The following CCDC6 variants were observed in gnomAD, a reference collection of about 807,000 sequenced individuals.
CCDC6 encodes the protein coiled-coil domain-containing protein 6.
CCDC6 carries 20 observed loss-of-function variants against 56.6 expected under a neutral mutation model. That is an observed-to-expected ratio of 0.35 (90% CI 0.25 to 0.51). The LOEUF (loss-of-function observed/expected upper bound fraction) is 0.51, where lower values mean the gene tolerates loss of function less well. Among genes scored for constraint, CCDC6 ranks in the 20% least tolerant of loss-of-function variants. The pLI is 0.95. For missense variants in CCDC6, 367 were observed against 601.1 expected, an observed-to-expected ratio of 0.61 and a Z score of 4.07; for synonymous variants, 241 against 234.4, an observed-to-expected ratio of 1.03 and a Z score of -0.26.
At chr10:59,804,629 A>C (rs564713209) in intron 6 of CCDC6, 109 bp from the exon 7 acceptor site, 5 of 697,128 alleles carry the variant, frequency 7.2e-6, no homozygotes, top group Non-Finnish European at 1.3e-5. Flanking sequence ...AAAATCCTGA[A>C]TGTTTAGAGT....
intron 1 of CCDC6, among the ~76,000 whole-genome samples, chr10:59,890,888 A>C (rs557242255): frequency 2.6e-5 from 4 of 151,310 alleles, no homozygotes; most frequent in Non-Finnish European, 5.9e-5. Context: ...CTCCTCCCCC[A>C]ACCCCACGAC....
Position 59,794,550 on chromosome 10 carries a change from G to A in CCDC6, c.1153C>T (p.Leu385=), listed in dbSNP as rs141402057. 2.5e-6 allele frequency: 4 copies of A among 1,613,922 alleles called. No homozygotes were observed. The highest frequency in any genetic ancestry group is 2.2e-5 in the East Asian group (1 of 44,870). The part of the protein sequence containing the change: ...HTVGFTPPTS[L]TRAGMSYYNS... ...TAATAAGACATTCCAGCTCTAGTCA[G>A]TGAAGTTGGTGGCGTGAAACCAACC... Residue 385 remains leucine, a synonymous_variant, in exon 8 of 9, where the codon CTG becomes TTG. Transcript: ENST00000263102.
At chr10:59,865,192 C>T (rs925711756) in intron 1 of CCDC6, among the ~76,000 whole-genome samples, 6 of 152,186 alleles carry the variant, frequency 3.9e-5, no homozygotes, top group Admixed American at 2.6e-4. Flanking sequence ...GGGGCAATGA[C>T]TAACACCTGA....
intron 2 of CCDC6, among the ~76,000 whole-genome samples, chr10:59,838,720 C>T (rs541591161): frequency 3.3e-5 from 5 of 152,194 alleles, no homozygotes; most frequent in South Asian, 2.1e-4. Flanking sequence ...CATACTGGTC[C>T]GGGGCTTCTA....
chr10:59,880,215 G>A (rs553604583), intron 1 of CCDC6, among the ~76,000 whole-genome samples: 1 of 151,844 alleles, frequency 6.6e-6, no homozygotes, highest in Non-Finnish European at 1.5e-5. Context: ...GGCAGACCAC[G>A]ATGACACCGA....
rs540846889 is a variant in CCDC6, at chr10:59,829,750, T to C, written c.582+2775A>G. ...TAGAACAGCAGTTGCTTAGAGGTTA[T>C]AGGGGATTAGAGGTGACAGATGAAT... On this transcript the variant is annotated intron_variant, in intron 3 of 8. Transcript: ENST00000263102. Among the ~76,000 whole-genome samples the C allele has an allele frequency of 1.7e-4, 26 of 152,250 alleles. 1 individual carries two copies. In the South Asian group the frequency reaches 5.0e-3, roughly 29 times the overall value.
In CCDC6 at chr10:59,800,679, A is replaced by C. The variant is rs186460804; in HGVS notation, c.1105+3741T>G. 1.4e-4 allele frequency among the ~76,000 whole-genome samples: 22 copies of C among 151,852 alleles called. No individual in the cohort carries two copies. In the East Asian group the frequency reaches 4.3e-3, roughly 29 times the overall value. On this transcript the variant is annotated intron_variant, in intron 7 of 8. Transcript: ENST00000263102. ...TGATTATAAGCTCTTAGAGGTTGGAAATCATGTACTATTGATTTTTTTTTT... is the reference window on the plus strand; with the variant it reads ...TGATTATAAGCTCTTAGAGGTTGGACATCATGTACTATTGATTTTTTTTTT...
rs778163371 is a variant in CCDC6 at position 59,832,636 on chromosome 10, G to A, written c.471C>T (p.Ala157=). The change falls in exon 3 of 9, where the codon GCC becomes GCT. Residue 157 remains alanine (A), a synonymous_variant. Transcript: ENST00000263102. ...CTTGTTCAAGATGCTGTTCTAGTTCGGCTTTCTCATGCTGCAACTGGAAAA... is the reference window on the plus strand; with the variant it reads ...CTTGTTCAAGATGCTGTTCTAGTTCAGCTTTCTCATGCTGCAACTGGAAAA... ...RKLMQLQHEK[A]ELEQHLEQEQ... The A allele has an allele frequency of 6.8e-6, 11 of 1,611,058 alleles. No individual in the cohort carries two copies. Among genetic ancestry groups the A allele is most frequent in the Middle Eastern group, 1.6e-4 (1 of 6,072 alleles).
intron 6 of CCDC6, chr10:59,805,247 G>A (rs191903939): frequency 1.4e-4 from 22 of 152,318 alleles, no homozygotes; most frequent in Admixed American, 1.2e-3. Flanking sequence ...CATCCTGCAC[G>A]AGCGACCCAC....
At chr10:59,810,867 G>T (rs1378297170) in intron 5 of CCDC6, among the ~76,000 whole-genome samples, 2 of 152,118 alleles carry the variant, frequency 1.3e-5, no homozygotes, top group Non-Finnish European at 2.9e-5. Context: ...CTTGAGATGG[G>T]TAGATTATCC....
intron 3 of CCDC6, among the ~76,000 whole-genome samples, chr10:59,828,730 A>T (rs1320391106): frequency 4.6e-5 from 7 of 152,176 alleles, no homozygotes; most frequent in African/African-American, 1.7e-4. Context: ...ATCACTAAGC[A>T]GTGATTCCCA....
rs1235260237 is a variant in CCDC6, at chr10:59,888,725, CAG to C, written c.303+17395_303+17396del. 2.6e-5 allele frequency among the ~76,000 whole-genome samples: 4 copies of C among 152,256 alleles called. No individual in the cohort carries two copies. The East Asian group carries it at 5.8e-4, about 22-fold the overall frequency. On this transcript the variant is annotated intron_variant, in intron 1 of 8. Coordinates refer to ENST00000263102, the MANE Select transcript of CCDC6 (RefSeq NM_005436.5). ...GGTATGGTGGTTATAAAGTCCTTAT[CAG>C]AGAGGCAAACTGAACCATTTATGGT... is the stretch of plus-strand genomic sequence containing the variant.
At chr10:59,835,579 ACT>A (rs547717642) in intron 2 of CCDC6, among the ~76,000 whole-genome samples, 1 of 152,212 alleles carries the variant, frequency 6.6e-6, no homozygotes, top group Non-Finnish European at 1.5e-5. Flanking sequence ...CTGAGATCTA[ACT>A]CTGTTTGCTA....
At chr10:59,894,410 G>C (rs1453552983) in intron 1 of CCDC6, among the ~76,000 whole-genome samples, 2 of 152,124 alleles carry the variant, frequency 1.3e-5, no homozygotes, top group Non-Finnish European at 2.9e-5. Flanking sequence ...TTATCCTTTA[G>C]ATCGTGACTA....
At chr10:59,794,666 G>T in intron 7 of CCDC6, 69 bp from the exon 8 acceptor site, 1 of 1,407,566 alleles carries the variant, frequency 7.1e-7, no homozygotes, top group South Asian at 1.2e-5. Context: ...TATCTAGGAG[G>T]TTTTAAATCG....
At chr10:59,886,032 A>C (rs1344176671) in intron 1 of CCDC6, among the ~76,000 whole-genome samples, 59 of 151,964 alleles carry the variant, frequency 3.9e-4, no homozygotes, top group Admixed American at 3.8e-3. Context: ...TATTAGCAGA[A>C]TGAACAAAGT....
At chr10:59,867,629 C>A (rs2071188418) in intron 1 of CCDC6, among the ~76,000 whole-genome samples, 1 of 152,312 alleles carries the variant, frequency 6.6e-6, no homozygotes. Context: ...TCATGGCTCA[C>A]TGCAACCTTG....
At chr10:59,849,756 T>A (rs1032948264) in intron 2 of CCDC6, among the ~76,000 whole-genome samples, 3 of 152,210 alleles carry the variant, frequency 2.0e-5, no homozygotes, top group African/African-American at 7.2e-5. Flanking sequence ...GGCTTTTTTT[T>A]AGCAAGGTCC....
chr10:59,847,094 C>T (rs2070998791), intron 2 of CCDC6, among the ~76,000 whole-genome samples: 1 of 152,020 alleles, frequency 6.6e-6, no homozygotes, highest in Admixed American at 6.6e-5. Context: ...GCTCTGTCTC[C>T]CAGGATGGAG....
Sources: gnomAD v4.1 joint callset for allele counts (sites outside exome capture counted in the v4.1 genomes callset) on GRCh38, gnomAD v4.1.1 for gene constraint, MANE v1.5 for transcripts, NCBI Gene and HGNC (gene_info 2026-07-23, HGNC 2026-07-21) for gene names.